Variants in HEATR5A observed in about 807,000 individuals in gnomAD.
HEATR5A encodes HEAT repeat-containing protein 5A.
Under a neutral mutation model 218.8 loss-of-function variants are expected in HEATR5A, and 178 were observed. The observed-to-expected ratio is 0.81, with a 90% CI of 0.72 to 0.92. The LOEUF (loss-of-function observed/expected upper bound fraction) is 0.92, where lower values mean the gene tolerates loss of function less well. Ranked by LOEUF, HEATR5A falls within the 40% of genes least tolerant of loss-of-function variation. HEATR5A has a pLI of 0.00. For synonymous variants in HEATR5A, 864 were observed against 871.6 expected (o/e 0.99, Z 0.15); for missense variants, 2,420 against 2,418.9 (o/e 1.00, Z -0.01).
In HEATR5A at chr14:31,394,148, A is replaced by G; in HGVS notation, c.676T>C (p.Ser226Pro). 1.3e-6 allele frequency: 2 copies of G among 1,534,824 alleles called. No individual in the cohort carries two copies. Among genetic ancestry groups the G allele is most frequent in the Non-Finnish European group, 1.7e-6 (2 of 1,145,742 alleles). ...LDSVATLCFK[S>P]FEGSNYDVRI... is the part of the protein sequence containing the mutation. ...ACATCATAATTGGAACCTTCAAAGG[A>G]CTTAAAACACAGTGTGGCCACACTG... Residue 226 changes from serine to proline, a missense_variant, in exon 6 of 36, where the codon TCC (serine) becomes CCC (proline). Coordinates refer to ENST00000543095, the MANE Select transcript of HEATR5A (RefSeq NM_015473.4).
chr14:31,413,241 A>G (rs2031340662), intron 1 of HEATR5A, among the ~76,000 whole-genome samples: 1 of 152,228 alleles, frequency 6.6e-6, no homozygotes, highest in African/African-American at 2.4e-5. Context: ...GATGGGGAGC[A>G]CATCTTATTA....
In HEATR5A at chr14:31,343,898, A is replaced by AG; in HGVS notation, c.3225dup (p.Cys1076LeufsTer6). On this transcript the variant is annotated frameshift_variant, in exon 21 of 36. Transcript: ENST00000543095. LOFTEE classifies it high-confidence loss of function. The stretch of plus-strand genomic sequence containing the variant: ...CTCGTTTACAATTCTATACTCACAC[A>AG]GAGGCAGCTAACCAGGCTAGACAAG... 6.3e-7 allele frequency: 1 copy of AG among 1,587,850 alleles called. No homozygotes were observed. The highest frequency in any genetic ancestry group is 8.5e-7 in the Non-Finnish European group (1 of 1,171,172).
intron 34 of HEATR5A, 89 bp from the exon 35 acceptor site, chr14:31,294,193 G>T: frequency 2.4e-6 from 2 of 829,774 alleles, no homozygotes; most frequent in Middle Eastern, 3.6e-4. Context: ...AGTAGTGAAG[G>T]TATTTAAATT....
rs1899099094 is a variant in HEATR5A at position 31,294,077 on chromosome 14, G to T, written c.5647C>A (p.His1883Asn). The change falls in exon 35 of 36, where the codon CAT (histidine) becomes AAT (asparagine). Residue 1883 changes from histidine to asparagine, a missense_variant. His to Asn is a moderately conservative substitution (Grantham distance 68). Transcript: ENST00000543095. ...VVQIKTYQLLHSIFQYPNPAV... is the reference protein window; with the variant it reads ...VVQIKTYQLLNSIFQYPNPAV... ...GGATTTGGATACTGAAAGATGGAATGTAGGAGCTGGTAGGTCTTGATTTGT... is the reference window on the plus strand; with the variant it reads ...GGATTTGGATACTGAAAGATGGAATTTAGGAGCTGGTAGGTCTTGATTTGT... The T allele has an allele frequency of 6.3e-7, 1 of 1,593,012 alleles. No homozygotes were observed. Among genetic ancestry groups the T allele is most frequent in the East Asian group, 2.3e-5 (1 of 44,414 alleles).
At chr14:31,318,622 C>T (rs1899988471) in intron 25 of HEATR5A, among the ~76,000 whole-genome samples, 1 of 152,168 alleles carries the variant, frequency 6.6e-6, no homozygotes, top group Non-Finnish European at 1.5e-5. Context: ...TCCCAAGTAG[C>T]TGGGATTACA....
intron 11 of HEATR5A, among the ~76,000 whole-genome samples, chr14:31,378,976 C>T (rs576686996): frequency 9.2e-5 from 14 of 151,804 alleles, no homozygotes; most frequent in Admixed American, 2.0e-4. Flanking sequence ...GAGTCTTGTT[C>T]TGTCACCCAG....
chr14:31,337,809 T>C (rs966036645), intron 21 of HEATR5A, among the ~76,000 whole-genome samples, 195 bp from the exon 22 acceptor site: 1 of 152,156 alleles, frequency 6.6e-6, no homozygotes, highest in Non-Finnish European at 1.5e-5. Context: ...AACAGCTTAA[T>C]AGGTAATATG....
In HEATR5A at chr14:31,321,577, T is replaced by TA. The variant is rs769480116; in HGVS notation, c.3890dup (p.Leu1297PhefsTer33). 1 of 1,608,390 alleles carries TA rather than the reference T, an allele frequency of 6.2e-7. No individual in the cohort carries two copies. Among genetic ancestry groups the TA allele is most frequent in the Non-Finnish European group, 8.5e-7 (1 of 1,177,486 alleles). Reference sequence around the variant, plus strand: ...CAGTTGCAAATCGCCGAATAACAACTAACAGCATTTCAAGGCCAGAAAGAC... The same window carrying TA: ...CAGTTGCAAATCGCCGAATAACAACTAAACAGCATTTCAAGGCCAGAAAGAC... On this transcript the variant is annotated frameshift_variant, in exon 25 of 36. Transcript: ENST00000543095. LOFTEE classifies it high-confidence loss of function.
At chr14:31,320,337 T>C (rs1295175218) in intron 25 of HEATR5A, 4 of 821,850 alleles carry the variant, frequency 4.9e-6, no homozygotes, top group South Asian at 4.0e-5. Flanking sequence ...AGAGACAGCT[T>C]CCTGGCATAG....
intron 1 of HEATR5A, among the ~76,000 whole-genome samples, chr14:31,409,573 A>T (rs1228235403): frequency 6.6e-6 from 1 of 152,004 alleles, no homozygotes; most frequent in African/African-American, 2.4e-5. Flanking sequence ...GGTGGTGCAC[A>T]CCTGTAGTCC....
At chr14:31,381,901 C>A (rs1258146657) in intron 10 of HEATR5A, among the ~76,000 whole-genome samples, 1 of 152,162 alleles carries the variant, frequency 6.6e-6, no homozygotes, top group South Asian at 2.1e-4. Flanking sequence ...TGAGAAAACA[C>A]CTATTACCAA....
intron 3 of HEATR5A, among the ~76,000 whole-genome samples, chr14:31,399,672 A>G (rs762019567): frequency 1.3e-5 from 2 of 152,166 alleles, no homozygotes; most frequent in East Asian, 3.9e-4. Flanking sequence ...TCTACTAAAA[A>G]TACAAAAATT....
At chr14:31,390,378 A>G (rs2030405740) in intron 6 of HEATR5A, among the ~76,000 whole-genome samples, 1 of 152,194 alleles carries the variant, frequency 6.6e-6, no homozygotes, top group Non-Finnish European at 1.5e-5. Context: ...AGATAGAAGC[A>G]GGGAAAACCA....
At chr14:31,348,042 T>C in intron 18 of HEATR5A, 135 bp from the exon 19 acceptor site, 1 of 497,206 alleles carries the variant, frequency 2.0e-6, no homozygotes, top group Non-Finnish European at 3.4e-6. Context: ...CATTTTTGGC[T>C]AACTAATAAA....
At chr14:31,306,672 T>C in intron 31 of HEATR5A, 60 bp downstream of exon 31, 1 of 1,480,036 alleles carries the variant, frequency 6.8e-7, no homozygotes, top group Non-Finnish European at 9.2e-7. Flanking sequence ...ATACATTAAA[T>C]AATACTTTAC....
chr14:31,359,002 A>C lies in HEATR5A; in HGVS notation c.2127T>G (p.Ile709Met). The C allele has an allele frequency of 6.3e-7, 1 of 1,587,936 alleles. No homozygotes were observed. Among genetic ancestry groups the C allele is most frequent in the Non-Finnish European group, 8.5e-7 (1 of 1,173,928 alleles). ...GTAAAAATGTAGATGCTGCCACCTGAATATCAGGGGCAGTCAAGTCAGCAG... is the reference window on the plus strand; with the variant it reads ...GTAAAAATGTAGATGCTGCCACCTGCATATCAGGGGCAGTCAAGTCAGCAG... ...ELAADLTAPD[I>M]QVAASTFLLP... The change falls in exon 15 of 36, where the codon ATT (isoleucine) becomes ATG (methionine). Residue 709 changes from isoleucine (I) to methionine (M), a missense_variant. Transcript: ENST00000543095.
At position 31,293,466 on chromosome 14, in the gene HEATR5A, C is replaced by G. The variant is rs1899080432; in HGVS notation, c.5980G>C (p.Val1994Leu). The G allele has an allele frequency of 1.2e-6, 2 of 1,613,962 alleles. No individual in the cohort carries two copies. The highest frequency in any genetic ancestry group is 1.7e-6 in the Non-Finnish European group (2 of 1,179,882). ...LMQIGPQYSS[V>L]FKSLVASSPA... ...GAAGAAGCCACTAAACTTTTAAAAACAGATGAATACTGAGGTCCAATTTGC... is the reference window on the plus strand; with the variant it reads ...GAAGAAGCCACTAAACTTTTAAAAAGAGATGAATACTGAGGTCCAATTTGC... Residue 1994 changes from valine (V) to leucine (L), a missense_variant, in exon 36 of 36, where the codon GTT (valine) becomes CTT (leucine). By Grantham distance (32) the Val-to-Leu change is conservative (BLOSUM62 1). Transcript: ENST00000543095.
At chr14:31,378,787 C>CAA (rs201308428) in intron 11 of HEATR5A, among the ~76,000 whole-genome samples, 4 of 26,056 alleles carry the variant, frequency 1.5e-4, no homozygotes, top group Admixed American at 3.9e-4. Flanking sequence ...GACTCCACCT[C>CAA]AAAAAAAAAC....
chr14:31,293,343 T>C lies in HEATR5A; in HGVS notation c.6103A>G (p.Lys2035Glu), dbSNP rs767766531. 3.1e-6 allele frequency: 5 copies of C among 1,601,294 alleles called. No homozygotes were observed. The highest frequency in any genetic ancestry group is 1.3e-5 in the African/African-American group (1 of 74,236). The stretch of plus-strand genomic sequence containing the variant: ...GTCTTTAATTGGATGCTTGAGTTTT[T>C]TCCAGGACTCTTAGTATATTTAGAT... ...PTSKYTKSPG[K>E]NSSIQLKTSF... Residue 2035 changes from lysine to glutamate, a missense_variant, in exon 36 of 36, where the codon AAA (lysine) becomes GAA (glutamate). Transcript: ENST00000543095.
Sources: allele counts gnomAD v4.1 joint callset (sites outside exome capture counted in the v4.1 genomes callset), GRCh38; gene constraint gnomAD v4.1.1; transcripts MANE v1.5; gene names NCBI Gene and HGNC (gene_info 2026-07-23, HGNC 2026-07-21).